STARD6: variants seen among roughly 807,000 people sequenced by gnomAD.
STARD6 encodes StAR related lipid transfer domain containing 6.
A neutral mutation model predicts 22.3 loss-of-function variants in STARD6; 21 were observed. The ratio of observed to expected loss-of-function variants is 0.94; its 90% CI spans 0.67 to 1.35. The LOEUF is 1.35. Ranked by LOEUF, STARD6 falls within the 40% of genes most tolerant of loss-of-function variation. The pLI, the probability that STARD6 is intolerant of heterozygous loss-of-function variation, is 0.00. For synonymous variants in STARD6, 80 were observed against 88.1 expected, an observed-to-expected ratio of 0.91 and a Z score of 0.52; for missense variants, 269 against 266.9, an observed-to-expected ratio of 1.01 and a Z score of -0.05.
intron 4 of STARD6, among the ~76,000 whole-genome samples, chr18:54,348,204 C>T (rs2089056629): frequency 6.6e-6 from 1 of 152,062 alleles, no homozygotes; most frequent in African/African-American, 2.4e-5. Flanking sequence ...CTAATACAAC[C>T]TGTTTAAACC....
intron 1 of STARD6, among the ~76,000 whole-genome samples, chr18:54,356,771 C>G (rs942085476): frequency 1.3e-5 from 2 of 152,188 alleles, no homozygotes; most frequent in African/African-American, 2.4e-5. Context: ...GACCAGGGCT[C>G]GTCTTAGCAT....
At chr18:54,327,800 G>A (rs2088836115) in intron 7 of STARD6, among the ~76,000 whole-genome samples, 1 of 151,886 alleles carries the variant, frequency 6.6e-6, no homozygotes, top group Non-Finnish European at 1.5e-5. Flanking sequence ...TTTTCTCTAT[G>A]CAGGGTTTAT....
chr18:54,351,021 G>A, intron 4 of STARD6, among the ~76,000 whole-genome samples: 1 of 152,164 alleles, frequency 6.6e-6, no homozygotes, highest in African/African-American at 2.4e-5. Context: ...CTGTGAAGAA[G>A]GATGATGGGA....
chr18:54,348,603 G>C (rs2089061601), intron 4 of STARD6, among the ~76,000 whole-genome samples: 1 of 152,122 alleles, frequency 6.6e-6, no homozygotes, highest in Non-Finnish European at 1.5e-5. Context: ...GATAATAACA[G>C]TGCTTACATT....
At chr18:54,341,361 C>A (rs1301956386) in intron 4 of STARD6, among the ~76,000 whole-genome samples, 1 of 152,064 alleles carries the variant, frequency 6.6e-6, no homozygotes, top group Non-Finnish European at 1.5e-5. Flanking sequence ...GCCCGGCCCA[C>A]GTCATTTTCA....
chr18:54,334,343 T>A (rs1030196441), intron 5 of STARD6, among the ~76,000 whole-genome samples: 1 of 152,210 alleles, frequency 6.6e-6, no homozygotes, highest in Non-Finnish European at 1.5e-5. Context: ...TAATCCATGC[T>A]CCTTTCAGCA....
intron 4 of STARD6, among the ~76,000 whole-genome samples, chr18:54,341,812 TA>T (rs1317978639): frequency 6.6e-6 from 1 of 152,044 alleles, no homozygotes; most frequent in African/African-American, 2.4e-5. Context: ...CTATATTTTT[TA>T]AAAAAAGAAG....
At chr18:54,351,846 G>T (rs1183936425) in intron 4 of STARD6, among the ~76,000 whole-genome samples, 3 of 144,564 alleles carry the variant, frequency 2.1e-5, no homozygotes, top group African/African-American at 7.9e-5. Context: ...GATTAGGTTA[G>T]CTAGTATTTT....
intron 7 of STARD6, among the ~76,000 whole-genome samples, chr18:54,327,069 A>G (rs2088830628): frequency 6.6e-6 from 1 of 152,206 alleles, no homozygotes; most frequent in African/African-American, 2.4e-5. Context: ...CCCATTGGGC[A>G]TAGTCACACT....
chr18:54,325,508 G>T (rs1189439749), intron 7 of STARD6, among the ~76,000 whole-genome samples: 4 of 150,596 alleles, frequency 2.7e-5, no homozygotes, highest in African/African-American at 9.7e-5. Context: ...TTTGGCTACT[G>T]TAAGTAAAGC....
chr18:54,331,700 C>T, intron 6 of STARD6, 42 bp downstream of exon 6: 1 of 1,284,858 alleles, frequency 7.8e-7, no homozygotes, highest in Non-Finnish European at 1.1e-6. Context: ...TTATTAATGG[C>T]TCGCAGTAAT....
intron 4 of STARD6, among the ~76,000 whole-genome samples, chr18:54,350,749 C>T (rs1031689745): frequency 8.5e-5 from 13 of 152,238 alleles, no homozygotes; most frequent in African/African-American, 2.9e-4. Context: ...TGTCCTTTCC[C>T]CACTTTATGT....
chr18:54,338,719 T>G (rs1339401998), intron 4 of STARD6, among the ~76,000 whole-genome samples: 1 of 152,014 alleles, frequency 6.6e-6, no homozygotes, highest in Non-Finnish European at 1.5e-5. Context: ...AACTACATTT[T>G]AGGAGGCCTT....
intron 4 of STARD6, among the ~76,000 whole-genome samples, chr18:54,341,133 C>T (rs2088964856): frequency 6.6e-6 from 1 of 152,204 alleles, no homozygotes; most frequent in South Asian, 2.1e-4. Context: ...GATCTCGGCT[C>T]ACTGCAACCT....
At chr18:54,348,912 G>T (rs1273437035) in intron 4 of STARD6, among the ~76,000 whole-genome samples, 1 of 152,002 alleles carries the variant, frequency 6.6e-6, no homozygotes, top group African/African-American at 2.4e-5. Context: ...TTTTTGTACT[G>T]CAGTTATAAG....
intron 6 of STARD6, among the ~76,000 whole-genome samples, chr18:54,329,989 C>T (rs921808540): frequency 6.6e-6 from 1 of 151,670 alleles, no homozygotes; most frequent in African/African-American, 2.4e-5. Flanking sequence ...AACTAAAAAT[C>T]AATAGAGTTT....
At chr18:54,357,349 GT>G (rs777200688) in intron 1 of STARD6, among the ~76,000 whole-genome samples, 1 of 152,186 alleles carries the variant, frequency 6.6e-6, no homozygotes, top group Non-Finnish European at 1.5e-5. Flanking sequence ...CTTCCTAGGA[GT>G]TTGTTAAATC....
chr18:54,324,837 G>A lies in STARD6; in HGVS notation c.518C>T (p.Thr173Ile). The change falls in exon 8 of 8, where the codon ACA (threonine) becomes ATA (isoleucine). Residue 173 changes from threonine to isoleucine, a missense_variant. Thr to Ile is a moderately conservative substitution (Grantham distance 89). Coordinates refer to ENST00000307844, the MANE Select transcript of STARD6 (RefSeq NM_139171.2). ...TGGGGACAATTTTCCTCTCATTTCT[G>A]TCTGGACAAACATCACTAGTTTGGA... ...AYSKLVMFVQ[T>I]EMRGKLSPSI... 6.2e-7 allele frequency: 1 copy of A among 1,600,298 alleles called. No individual in the cohort carries two copies. The highest frequency in any genetic ancestry group is 8.5e-7 in the Non-Finnish European group (1 of 1,174,938).
intron 5 of STARD6, among the ~76,000 whole-genome samples, chr18:54,334,234 A>G (rs2088889995): frequency 6.6e-6 from 1 of 152,128 alleles, no homozygotes; most frequent in South Asian, 2.1e-4. Context: ...TGCACAAGCC[A>G]CCATAATGTC....
Sources: gnomAD v4.1 joint callset for allele counts (sites outside exome capture counted in the v4.1 genomes callset) on GRCh38, gnomAD v4.1.1 for gene constraint, MANE v1.5 for transcripts, NCBI Gene and HGNC (gene_info 2026-07-23, HGNC 2026-07-21) for gene names.